ABHD5: variants seen among roughly 807,000 people sequenced by gnomAD.
The protein encoded by ABHD5 is abhydrolase domain containing 5, lysophosphatidic acid acyltransferase.
ABHD5 carries 30 observed loss-of-function variants against 44.9 expected under a neutral mutation model. The observed-to-expected ratio is 0.67, with a 90% CI of 0.50 to 0.91. ABHD5 has a LOEUF of 0.91. Ranked by LOEUF, ABHD5 falls within the 40% of genes least tolerant of loss-of-function variation. ABHD5 has a pLI of 0.00. For missense variants in ABHD5, 399 were observed against 423.4 expected (o/e 0.94, Z 0.50); for synonymous variants, 167 against 147.0 (o/e 1.14, Z -0.99).
chr3:43,693,720 G>C (rs2084432375), intron 1 of ABHD5, among the ~76,000 whole-genome samples: 1 of 148,064 alleles, frequency 6.8e-6, no homozygotes, highest in Non-Finnish European at 1.5e-5. Context: ...TACCTTACCT[G>C]ACCAACAATA....
intron 1 of ABHD5, 111 bp downstream of exon 1, chr3:43,691,150 C>A: frequency 8.8e-7 from 1 of 1,134,144 alleles, no homozygotes; most frequent in Non-Finnish European, 1.1e-6. Context: ...CTGGCGACGA[C>A]GGGCGGCTTC....
rs1420554953 is a variant in ABHD5, at chr3:43,721,037, A to G, written c.*2505A>G. Reference sequence around the variant, plus strand: ...AAGGGCCATACGCGATTTCAATAAAACAAGAAGTACTGGAAAGAATAAACA... The same window carrying G: ...AAGGGCCATACGCGATTTCAATAAAGCAAGAAGTACTGGAAAGAATAAACA... On this transcript the variant is annotated 3_prime_UTR_variant, in exon 7 of 7. Coordinates refer to ENST00000644371, the MANE Select transcript of ABHD5 (RefSeq NM_016006.6). 3.3e-5 allele frequency: 5 copies of G among 152,328 alleles called. No homozygotes were observed. In the East Asian group the frequency reaches 9.6e-4, roughly 29 times the overall value. 9.4% of individuals were successfully genotyped at this position (152,328 alleles called of 1,614,324 possible).
intron 3 of ABHD5, among the ~76,000 whole-genome samples, chr3:43,708,917 T>G (rs2084654926): frequency 6.6e-6 from 1 of 152,210 alleles, no homozygotes; most frequent in African/African-American, 2.4e-5. Context: ...TGCTTATGAT[T>G]TATTTTTCTG....
chr3:43,710,548 A>G (rs1328058338), intron 3 of ABHD5, among the ~76,000 whole-genome samples: 1 of 152,190 alleles, frequency 6.6e-6, no homozygotes, highest in African/African-American at 2.4e-5. Context: ...ATATTCTCCA[A>G]GGTACCATAG....
chr3:43,706,388 G>A (rs1218164501), intron 3 of ABHD5, among the ~76,000 whole-genome samples: 4 of 152,128 alleles, frequency 2.6e-5, no homozygotes, highest in Non-Finnish European at 5.9e-5. Context: ...GAGATCAAAT[G>A]AAATTCAGAT....
chr3:43,711,287 A>G (rs143416909), intron 3 of ABHD5, among the ~76,000 whole-genome samples: 1 of 152,324 alleles, frequency 6.6e-6, no homozygotes, highest in East Asian at 1.9e-4. Flanking sequence ...AGGCTATTTT[A>G]TAAGAATGTG....
chr3:43,712,533 G>C (rs2084701862), intron 4 of ABHD5, among the ~76,000 whole-genome samples: 1 of 152,104 alleles, frequency 6.6e-6, no homozygotes, highest in Non-Finnish European at 1.5e-5. Context: ...AGATAATGAT[G>C]TTCTGAACTT....
Position 43,705,918 on chromosome 3 carries a change from A to C in ABHD5, c.506+3331A>C, listed in dbSNP as rs557869570. On this transcript the variant is annotated intron_variant, in intron 3 of 6. Coordinates refer to ENST00000644371, the MANE Select transcript of ABHD5 (RefSeq NM_016006.6). ...TTTCTGCTTGGTCCTGGTTGGGCAAATTTGTACAAATTTACATAGATGATC... is the reference window on the plus strand; with the variant it reads ...TTTCTGCTTGGTCCTGGTTGGGCAACTTTGTACAAATTTACATAGATGATC... Among the ~76,000 whole-genome samples the C allele has an allele frequency of 2.0e-5, 3 of 152,210 alleles. No individual in the cohort carries two copies. The East Asian group carries it at 5.8e-4, about 29-fold the overall frequency.
intron 1 of ABHD5, among the ~76,000 whole-genome samples, chr3:43,693,750 C>CTT (rs11294193): frequency 4.0e-4 from 56 of 140,312 alleles, no homozygotes; most frequent in African/African-American, 1.3e-3. Flanking sequence ...AGTTTCTCCT[C>CTT]TTTTTTTTTT....
rs181777819 is a variant in ABHD5 at position 43,696,104 on chromosome 3, G to A, written c.48-3172G>A. ...AAAACTTTTTGGCTTGCATTGGTAA[G>A]CTTTCCCCATGTCATAGATGCTTAC... On this transcript the variant is annotated intron_variant, in intron 1 of 6. Coordinates refer to ENST00000644371, the MANE Select transcript of ABHD5 (RefSeq NM_016006.6). Among the ~76,000 whole-genome samples, 475 of 152,298 alleles carry A rather than the reference G, an allele frequency of 3.1e-3. 4 individuals carry two copies. Among genetic ancestry groups the A allele is most frequent in the Non-Finnish European group, 5.8e-3 (396 of 68,026 alleles).
chr3:43,714,307 G>T (rs2149604045), intron 4 of ABHD5, among the ~76,000 whole-genome samples: 1 of 151,914 alleles, frequency 6.6e-6, no homozygotes, highest in Admixed American at 6.6e-5. Context: ...GCTAATTTTT[G>T]TATTTTTAGT....
intron 3 of ABHD5, among the ~76,000 whole-genome samples, chr3:43,710,035 T>TC (rs2084668059): frequency 6.6e-6 from 1 of 151,954 alleles, no homozygotes; most frequent in African/African-American, 2.4e-5. Flanking sequence ...AGAGTGAGAC[T>TC]CCATCTCAAA....
chr3:43,702,282 G>C lies in ABHD5; in HGVS notation c.201G>C (p.Lys67Asn), dbSNP rs200927822. 2.8e-4 allele frequency: 450 copies of C among 1,602,146 alleles called. No individual in the cohort carries two copies. The highest frequency in any genetic ancestry group is 3.7e-4 in the Non-Finnish European group (431 of 1,171,574). Residue 67 changes from lysine to asparagine, a missense_variant, in exon 3 of 7, where the codon AAG (lysine) becomes AAC (asparagine). Coordinates refer to ENST00000644371, the MANE Select transcript of ABHD5 (RefSeq NM_016006.6). The part of the protein sequence containing the change: ...ISNGNKIWTL[K>N]FSHNISNKTP... ...ATGGAAATAAAATATGGACACTGAA[G>C]TTCTCTCATAATATTTCAAATAAGA...
chr3:43,700,600 G>A (rs1254544126), intron 2 of ABHD5, among the ~76,000 whole-genome samples: 2 of 150,176 alleles, frequency 1.3e-5, no homozygotes, highest in Admixed American at 6.6e-5. Flanking sequence ...TTGAGATGGA[G>A]CCTTGCTCTG....
At chr3:43,717,928 T>C in intron 6 of ABHD5, 71 bp downstream of exon 6, 1 of 1,591,406 alleles carries the variant, frequency 6.3e-7, no homozygotes, top group Admixed American at 1.7e-5. Flanking sequence ...TTAAAAGAGG[T>C]TTTAGGTCAT....
chr3:43,711,494 T>A (rs2084687801), intron 3 of ABHD5, among the ~76,000 whole-genome samples: 1 of 152,168 alleles, frequency 6.6e-6, no homozygotes, highest in Non-Finnish European at 1.5e-5. Context: ...ATATTAAAAA[T>A]AAAGCCCTCT....
chr3:43,718,684 A>G lies in ABHD5; in HGVS notation c.*152A>G. 1 of 741,088 alleles carries G rather than the reference A, an allele frequency of 1.3e-6. No homozygotes were observed. The highest frequency in any genetic ancestry group is 1.5e-5 in the South Asian group (1 of 65,618). 45.9% of individuals were successfully genotyped at this position (741,088 alleles called of 1,614,324 possible). On this transcript the variant is annotated 3_prime_UTR_variant, in exon 7 of 7. Coordinates refer to ENST00000644371, the MANE Select transcript of ABHD5 (RefSeq NM_016006.6). ...ATGTTTTCTTTAGGAATTCACTCAC[A>G]CATTTAAACCAGTTAGTGCCTTCTA...
At chr3:43,711,205 G>T (rs565758871) in intron 3 of ABHD5, among the ~76,000 whole-genome samples, 1 of 152,156 alleles carries the variant, frequency 6.6e-6, no homozygotes, top group Admixed American at 6.5e-5. Flanking sequence ...TTTTGAACCC[G>T]CTTTAAGTCC....
At chr3:43,731,720 T>C (rs1328923281) in intron 7 of ABHD5, among the ~76,000 whole-genome samples, 1 of 152,074 alleles carries the variant, frequency 6.6e-6, no homozygotes, top group Non-Finnish European at 1.5e-5. Context: ...TAATCCCAAC[T>C]ACTCAGGAGG....
Sources: allele counts gnomAD v4.1 joint callset (sites outside exome capture counted in the v4.1 genomes callset), GRCh38; gene constraint gnomAD v4.1.1; transcripts MANE v1.5; gene names NCBI Gene and HGNC (gene_info 2026-07-23, HGNC 2026-07-21).